The following REDIC1 variants were observed in gnomAD, a reference collection of about 807,000 sequenced individuals.
REDIC1 encodes the protein HEI10 Interacting Protein 1.
chr12:39,882,991 C>T, the REDIC1 span, among the ~76,000 whole-genome samples: 15 of 152,066 alleles, frequency 9.9e-5, no homozygotes, highest in African/African-American at 2.7e-4. Flanking sequence ...ATTTTTTAGG[C>T]GCTTAGTGTT....
the REDIC1 span, chr12:39,764,858 C>G: frequency 1.2e-6 from 2 of 1,610,710 alleles, no homozygotes; most frequent in Non-Finnish European, 1.7e-6. Flanking sequence ...CATTTTCACA[C>G]CTGAAAAATA....
chr12:39,640,177 T>C, the REDIC1 span, among the ~76,000 whole-genome samples: 1 of 151,156 alleles, frequency 6.6e-6, no homozygotes, highest in Non-Finnish European at 1.5e-5. Flanking sequence ...CTCTGGAAGG[T>C]GATTGGGTCA....
At chr12:39,862,343 T>G in the REDIC1 span, among the ~76,000 whole-genome samples, 15 of 152,228 alleles carry the variant, frequency 9.9e-5, no homozygotes, top group Non-Finnish European at 2.1e-4. Flanking sequence ...TTTAACCATT[T>G]ACTTTCTTAA....
At chr12:39,786,509 A>G in the REDIC1 span, among the ~76,000 whole-genome samples, 32 of 152,142 alleles carry the variant, frequency 2.1e-4, no homozygotes, top group Non-Finnish European at 3.4e-4. Flanking sequence ...GGGGCTGGTC[A>G]TGTGTTCTAA....
the REDIC1 span, among the ~76,000 whole-genome samples, chr12:39,893,275 C>T: frequency 6.6e-6 from 1 of 152,136 alleles, no homozygotes; most frequent in South Asian, 2.1e-4. Flanking sequence ...TTATAGAAAA[C>T]AAAACATTCC....
chr12:39,834,670 G>A, the REDIC1 span, among the ~76,000 whole-genome samples: 66 of 152,002 alleles, frequency 4.3e-4, no homozygotes, highest in Non-Finnish European at 8.8e-4. Context: ...GGGGCTCGGT[G>A]TGGGAACTGT....
chr12:39,715,715 G>C, the REDIC1 span, among the ~76,000 whole-genome samples: 1 of 151,852 alleles, frequency 6.6e-6, no homozygotes, highest in Non-Finnish European at 1.5e-5. Context: ...GTGTTTAATT[G>C]TACTTATTTT....
At chr12:39,798,870 T>C in the REDIC1 span, among the ~76,000 whole-genome samples, 196 of 151,976 alleles carry the variant, frequency 1.3e-3, 2 homozygotes, top group African/African-American at 4.4e-3. Context: ...TTATGTATTT[T>C]ATATAATATA....
the REDIC1 span, among the ~76,000 whole-genome samples, chr12:39,745,506 G>A: frequency 3.2e-3 from 491 of 152,248 alleles, 2 homozygotes; most frequent in Non-Finnish European, 5.5e-3. Flanking sequence ...TTGGATATAG[G>A]ATTTTTGTGA....
At chr12:39,700,840 T>A in the REDIC1 span, among the ~76,000 whole-genome samples, 5 of 151,970 alleles carry the variant, frequency 3.3e-5, no homozygotes, top group Admixed American at 6.6e-5. Flanking sequence ...CAAACTAAGC[T>A]TCATAAGTGA....
chr12:39,676,568 T>A, the REDIC1 span, among the ~76,000 whole-genome samples: 1 of 152,290 alleles, frequency 6.6e-6, no homozygotes, highest in East Asian at 1.9e-4. Context: ...CTAGTCTTAC[T>A]AGAGATCTAG....
At chr12:39,903,323 C>T in the REDIC1 span, among the ~76,000 whole-genome samples, 1 of 152,054 alleles carries the variant, frequency 6.6e-6, no homozygotes, top group Non-Finnish European at 1.5e-5. Flanking sequence ...TTAGCTATTT[C>T]AGGAAGCATT....
the REDIC1 span, among the ~76,000 whole-genome samples, chr12:39,730,527 G>A: frequency 6.6e-6 from 1 of 152,202 alleles, no homozygotes; most frequent in Non-Finnish European, 1.5e-5. Context: ...AGAGAGATCT[G>A]CTGTTAGTCT....
the REDIC1 span, among the ~76,000 whole-genome samples, chr12:39,777,263 A>C: frequency 6.6e-6 from 1 of 152,250 alleles, no homozygotes; most frequent in Non-Finnish European, 1.5e-5. Context: ...AGGCAGGGAA[A>C]TAGTCAATTG....
the REDIC1 span, among the ~76,000 whole-genome samples, chr12:39,744,994 C>T: frequency 6.6e-6 from 1 of 152,110 alleles, no homozygotes; most frequent in African/African-American, 2.4e-5. Context: ...AGATGGTTAG[C>T]ATATACCATG....
chr12:39,770,357 C>T, the REDIC1 span, among the ~76,000 whole-genome samples: 8 of 152,104 alleles, frequency 5.3e-5, no homozygotes, highest in African/African-American at 9.7e-5. Flanking sequence ...ATGACTACAA[C>T]GAAATGACCT....
the REDIC1 span, among the ~76,000 whole-genome samples, chr12:39,761,631 CA>C: frequency 0.97 from 146,524 of 150,414 alleles, 71,361 homozygotes; most frequent in East Asian, 1. Flanking sequence ...GGAATTTTGA[CA>C]AAAAAAAAAT....
the REDIC1 span, among the ~76,000 whole-genome samples, chr12:39,665,913 A>G: frequency 6.6e-6 from 1 of 152,188 alleles, no homozygotes; most frequent in Non-Finnish European, 1.5e-5. Context: ...ATTTTTGCAC[A>G]TTGATTTTGT....
the REDIC1 span, among the ~76,000 whole-genome samples, chr12:39,857,769 T>C: frequency 2.0e-5 from 3 of 152,234 alleles, no homozygotes; most frequent in Non-Finnish European, 4.4e-5. Flanking sequence ...GGTGCCATTC[T>C]CTTGCTTGCT....
Sources: allele counts gnomAD v4.1 joint callset (sites outside exome capture counted in the v4.1 genomes callset), GRCh38; gene constraint gnomAD v4.1.1; transcripts MANE v1.5; gene names NCBI Gene and HGNC (gene_info 2026-07-23, HGNC 2026-07-21).